CDH18: variants seen among roughly 807,000 people sequenced by gnomAD.
The protein encoded by CDH18 is cadherin-18.
In CDH18, 31 loss-of-function variants were observed where a neutral mutation model predicts 67.9. That is an observed-to-expected ratio of 0.46 (90% CI 0.34 to 0.62). The LOEUF is 0.62. Among genes scored for constraint, CDH18 ranks in the 20% least tolerant of loss-of-function variants. CDH18 has a pLI of 0.01. For synonymous variants in CDH18, 362 were observed against 347.2 expected (o/e 1.04, Z -0.48); for missense variants, 890 against 975.5 (o/e 0.91, Z 1.17).
chr5:20,475,324 A>C (rs61208376), intron 1 of CDH18, among the ~76,000 whole-genome samples: 8,352 of 152,200 alleles, frequency 0.055, 763 homozygotes, highest in African/African-American at 0.19. Flanking sequence ...AGTACAGTGA[A>C]ATGAGAAAAA....
intron 3 of CDH18, among the ~76,000 whole-genome samples, chr5:19,757,153 C>T (rs1010735483): frequency 3.9e-5 from 6 of 152,184 alleles, no homozygotes; most frequent in Non-Finnish European, 2.9e-5. Flanking sequence ...AGAGGCAATG[C>T]TGTGTGGAAT....
chr5:20,518,816 A>G (rs1337805137), intron 1 of CDH18, among the ~76,000 whole-genome samples: 3 of 152,270 alleles, frequency 2.0e-5, no homozygotes, highest in South Asian at 2.1e-4. Context: ...TGTTTCTGCT[A>G]TTTGTTAACA....
At chr5:19,638,877 G>C (rs1753563809) in intron 5 of CDH18, among the ~76,000 whole-genome samples, 1 of 149,720 alleles carries the variant, frequency 6.7e-6, no homozygotes, top group African/African-American at 2.5e-5. Flanking sequence ...AATAACAAGG[G>C]GAGCAGTCAA....
chr5:20,280,681 T>C (rs1746188006), intron 1 of CDH18, among the ~76,000 whole-genome samples: 1 of 152,202 alleles, frequency 6.6e-6, no homozygotes, highest in South Asian at 2.1e-4. Flanking sequence ...TGTGCATGTG[T>C]TTTTATAGCA....
chr5:19,763,916 A>T (rs147694926), intron 3 of CDH18, among the ~76,000 whole-genome samples: 377 of 148,054 alleles, frequency 2.5e-3, no homozygotes, highest in African/African-American at 8.5e-3. Flanking sequence ...TGGGAGGCCA[A>T]GGAGGGTGGA....
At chr5:19,915,660 T>C (rs1311020980) in intron 2 of CDH18, among the ~76,000 whole-genome samples, 2 of 152,212 alleles carry the variant, frequency 1.3e-5, no homozygotes, top group South Asian at 2.1e-4. Flanking sequence ...TACAGTATTA[T>C]ACTGAATTTA....
At chr5:19,693,950 A>G (rs1762229184) in intron 5 of CDH18, among the ~76,000 whole-genome samples, 1 of 150,994 alleles carries the variant, frequency 6.6e-6, no homozygotes, top group African/African-American at 2.4e-5. Flanking sequence ...TATTAAGGGG[A>G]CTTGAAGATA....
intron 2 of CDH18, among the ~76,000 whole-genome samples, chr5:19,976,748 A>T (rs1159322413): frequency 6.6e-6 from 1 of 152,114 alleles, no homozygotes; most frequent in Non-Finnish European, 1.5e-5. Context: ...AATACCTACA[A>T]ATTTCAAAGG....
intron 1 of CDH18, among the ~76,000 whole-genome samples, chr5:20,283,384 G>GTGT (rs373220749): frequency 1.6e-4 from 24 of 152,100 alleles, no homozygotes; most frequent in South Asian, 4.1e-4. Flanking sequence ...TATATAAGGA[G>GTGT]TGTGAACAAA....
chr5:20,012,963 C>T (rs1177576762), intron 2 of CDH18, among the ~76,000 whole-genome samples: 1 of 151,960 alleles, frequency 6.6e-6, no homozygotes, highest in African/African-American at 2.4e-5. Context: ...TATTAGTTAT[C>T]TAATATATCT....
chr5:20,069,137 T>C (rs1030610499), intron 2 of CDH18, among the ~76,000 whole-genome samples: 1 of 152,028 alleles, frequency 6.6e-6, no homozygotes, highest in Non-Finnish European at 1.5e-5. Context: ...TTTATGTTGG[T>C]TGTCATTCAA....
intron 2 of CDH18, among the ~76,000 whole-genome samples, chr5:20,132,743 C>T (rs1749373533): frequency 6.6e-6 from 1 of 152,060 alleles, no homozygotes; most frequent in Non-Finnish European, 1.5e-5. Flanking sequence ...CCAGAATATT[C>T]CAAATTCCTC....
chr5:20,390,760 G>A (rs1485938210), intron 1 of CDH18, among the ~76,000 whole-genome samples: 3 of 152,134 alleles, frequency 2.0e-5, no homozygotes, highest in African/African-American at 7.2e-5. Flanking sequence ...ATGATAGACT[G>A]GATTAAGAAA....
At chr5:19,948,652 T>TCA (rs748530915) in intron 2 of CDH18, among the ~76,000 whole-genome samples, 20 of 151,926 alleles carry the variant, frequency 1.3e-4, no homozygotes, top group Non-Finnish European at 2.4e-4. Flanking sequence ...ACATGCACGC[T>TCA]CACACACACA....
At position 19,913,341 on chromosome 5, in the gene CDH18, G is replaced by A. The variant is rs1791365404; in HGVS notation, c.-257+67719C>T. 1.3e-5 allele frequency among the ~76,000 whole-genome samples: 2 copies of A among 152,052 alleles called. 1 individual carries two copies. Among genetic ancestry groups the A allele is most frequent in the South Asian group, 4.1e-4 (2 of 4,824 alleles). On this transcript the variant is annotated intron_variant, in intron 2 of 12. Coordinates refer to ENST00000382275, the MANE Select transcript of CDH18 (RefSeq NM_004934.5). Reference sequence around the variant, plus strand: ...CTGTTGATGTAATTGTTATCCTTGTGTTTTTTAGAAGGAATTGGTGTGTAG... The same window carrying A: ...CTGTTGATGTAATTGTTATCCTTGTATTTTTTAGAAGGAATTGGTGTGTAG...
intron 1 of CDH18, among the ~76,000 whole-genome samples, chr5:20,536,452 T>C (rs1581166806): frequency 6.6e-6 from 1 of 152,298 alleles, no homozygotes; most frequent in Admixed American, 6.5e-5. Context: ...AAAGGCAATG[T>C]TTGCTCAAAT....
intron 1 of CDH18, among the ~76,000 whole-genome samples, chr5:20,446,448 A>G (rs1750010947): frequency 6.6e-6 from 1 of 152,158 alleles, no homozygotes; most frequent in Admixed American, 6.5e-5. Context: ...AGTCTGCAGG[A>G]AAAGGCCTCA....
At position 19,903,541 on chromosome 5, in the gene CDH18, GTATA is replaced by G. The variant is rs112818883; in HGVS notation, c.-256-64303_-256-64300del. Among the ~76,000 whole-genome samples the G allele has an allele frequency of 2.7e-3, 342 of 124,722 alleles. 5 individuals carry two copies. Among genetic ancestry groups the G allele is most frequent in the South Asian group, 8.0e-3 (29 of 3,608 alleles). The allele number at this position is 124,722 out of a possible 152,430, so 81.8% of individuals were successfully genotyped here. On this transcript the variant is annotated intron_variant, in intron 2 of 12. Transcript: ENST00000382275. ...CAAAATAATGACTCTGTGTGTGTGT[GTATA>G]TATATATATATATATATATATTTGT...
At chr5:19,968,431 G>C (rs978552499) in intron 2 of CDH18, among the ~76,000 whole-genome samples, 7 of 152,094 alleles carry the variant, frequency 4.6e-5, no homozygotes, top group Admixed American at 3.3e-4. Flanking sequence ...CACGCTACCT[G>C]ACTTCAAACT....
Sources: allele counts gnomAD v4.1 joint callset (sites outside exome capture counted in the v4.1 genomes callset), GRCh38; gene constraint gnomAD v4.1.1; transcripts MANE v1.5; gene names NCBI Gene and HGNC (gene_info 2026-07-23, HGNC 2026-07-21).